Variants in CDH13 observed in about 807,000 individuals in gnomAD.
CDH13 encodes cadherin-13.
CDH13 carries 24 observed loss-of-function variants against 63.8 expected under a neutral mutation model. The ratio of observed to expected loss-of-function variants is 0.38; its 90% CI spans 0.27 to 0.53. The LOEUF is 0.53. Ranked by LOEUF, CDH13 falls within the 20% of genes least tolerant of loss-of-function variation. CDH13 has a pLI of 0.85. For synonymous variants in CDH13, 503 were observed against 355.3 expected (o/e 1.42, Z -4.67); for missense variants, 1,049 against 903.1 (o/e 1.16, Z -2.07).
chr16:82,638,452 C>T (rs1908956993), intron 1 of CDH13, among the ~76,000 whole-genome samples: 1 of 152,162 alleles, frequency 6.6e-6, no homozygotes, highest in African/African-American at 2.4e-5. Flanking sequence ...TATGCTTGCC[C>T]TGCAGGATTT....
chr16:82,746,573 G>C (rs987009937), intron 1 of CDH13, among the ~76,000 whole-genome samples: 24 of 151,530 alleles, frequency 1.6e-4, no homozygotes, highest in African/African-American at 5.1e-4. Context: ...ATAACTAATT[G>C]TACTAATTTA....
intron 1 of CDH13, chr16:82,823,101 C>G (rs113125304): frequency 0.011 from 1,652 of 152,354 alleles, 14 homozygotes; most frequent in Non-Finnish European, 0.018. Context: ...GCCTGAGGCT[C>G]CAAAGATGCC....
At chr16:82,863,492 A>T (rs932106787) in intron 2 of CDH13, among the ~76,000 whole-genome samples, 1 of 152,196 alleles carries the variant, frequency 6.6e-6, no homozygotes, top group African/African-American at 2.4e-5. Flanking sequence ...ACAGTCATCT[A>T]TTAGCTCTGT....
At chr16:82,989,599 T>G (rs1412400602) in intron 2 of CDH13, among the ~76,000 whole-genome samples, 1 of 152,196 alleles carries the variant, frequency 6.6e-6, no homozygotes, top group Non-Finnish European at 1.5e-5. Context: ...GATGAGGCTG[T>G]GTGGACCAGT....
At chr16:83,750,102 C>G (rs536903853) in intron 11 of CDH13, among the ~76,000 whole-genome samples, 1 of 152,166 alleles carries the variant, frequency 6.6e-6, no homozygotes, top group South Asian at 2.1e-4. Flanking sequence ...TTGAGACCAG[C>G]CTGGCCAATA....
At chr16:83,094,374 C>T (rs1048951550) in intron 3 of CDH13, among the ~76,000 whole-genome samples, 1 of 152,110 alleles carries the variant, frequency 6.6e-6, no homozygotes, top group African/African-American at 2.4e-5. Context: ...CTGAAAGATG[C>T]AAGGTTGGAT....
chr16:82,706,808 A>C (rs1266469793), intron 1 of CDH13, among the ~76,000 whole-genome samples: 1 of 151,936 alleles, frequency 6.6e-6, no homozygotes, highest in East Asian at 1.9e-4. Context: ...TGTCTCAAAA[A>C]AAAAATAAAA....
intron 7 of CDH13, among the ~76,000 whole-genome samples, chr16:83,552,807 C>A (rs984017460): frequency 6.6e-6 from 1 of 152,206 alleles, no homozygotes; most frequent in African/African-American, 2.4e-5. Context: ...ATTGGCTGGG[C>A]GCAGTGGCTC....
Position 83,800,315 on chromosome 16 carries a change from A to T in CDH13, c.*5285A>T, listed in dbSNP as rs757741697. 7 of 152,230 alleles carry T rather than the reference A, an allele frequency of 4.6e-5. No individual in the cohort carries two copies. Among genetic ancestry groups the T allele is most frequent in the Non-Finnish European group, 7.3e-5 (5 of 68,046 alleles). The allele number at this position is 152,230 out of a possible 1,614,324, so 9.4% of individuals were successfully genotyped here. A position where few individuals can be genotyped will look rare whatever the true frequency, so the allele number is the denominator to read the frequency against. ...AAGCCATTCTATATCTGTCGTACAC[A>T]TGAATTCAGACTATTATTAGAGAGT... On this transcript the variant is annotated 3_prime_UTR_variant, in exon 14 of 14. Coordinates refer to ENST00000567109, the MANE Select transcript of CDH13 (RefSeq NM_001257.5).
intron 7 of CDH13, among the ~76,000 whole-genome samples, chr16:83,581,950 C>G (rs920596018): frequency 2.0e-5 from 3 of 152,220 alleles, no homozygotes; most frequent in African/African-American, 7.2e-5. Flanking sequence ...ATCCAGAATG[C>G]AGGCTCTAGG....
At chr16:83,559,443 T>A (rs970914767) in intron 7 of CDH13, among the ~76,000 whole-genome samples, 10 of 151,980 alleles carry the variant, frequency 6.6e-5, no homozygotes, top group Non-Finnish European at 1.0e-4. Flanking sequence ...TGGTGGCGTG[T>A]ACCTATAATC....
intron 3 of CDH13, among the ~76,000 whole-genome samples, chr16:83,077,479 C>T (rs2032933823): frequency 6.6e-6 from 1 of 152,010 alleles, no homozygotes; most frequent in Non-Finnish European, 1.5e-5. Context: ...AGGTGTGAGC[C>T]ATCACACCTG....
intron 1 of CDH13, among the ~76,000 whole-genome samples, chr16:82,794,686 C>T (rs1425758098): frequency 1.3e-5 from 2 of 152,130 alleles, no homozygotes; most frequent in African/African-American, 2.4e-5. Flanking sequence ...ATGCCTTAGC[C>T]AAACACCCTA....
intron 4 of CDH13, among the ~76,000 whole-genome samples, chr16:83,210,280 G>A (rs757117178): frequency 6.6e-6 from 1 of 151,944 alleles, no homozygotes; most frequent in Non-Finnish European, 1.5e-5. Context: ...GGCCAAGCTG[G>A]TCTTGAACTC....
chr16:83,285,249 G>GT (rs963113276), intron 5 of CDH13, among the ~76,000 whole-genome samples: 5 of 152,154 alleles, frequency 3.3e-5, no homozygotes, highest in African/African-American at 7.2e-5. Flanking sequence ...TCATTATGTA[G>GT]TTTTTTCTGG....
chr16:83,488,190 G>C (rs1185948102), intron 7 of CDH13, among the ~76,000 whole-genome samples: 1 of 152,176 alleles, frequency 6.6e-6, no homozygotes, highest in Non-Finnish European at 1.5e-5. Context: ...GTGGTTGGTG[G>C]CTATTGTACC....
chr16:82,636,193 C>A (rs929633200), intron 1 of CDH13, among the ~76,000 whole-genome samples: 1 of 152,042 alleles, frequency 6.6e-6, no homozygotes, highest in Non-Finnish European at 1.5e-5. Flanking sequence ...GTGAAGGAGG[C>A]CTGCTTGAGT....
intron 2 of CDH13, among the ~76,000 whole-genome samples, chr16:83,001,269 C>A (rs868533879): frequency 6.6e-6 from 1 of 152,210 alleles, no homozygotes; most frequent in East Asian, 1.9e-4. Flanking sequence ...GTCGTTCTTG[C>A]AATTGAGAAT....
chr16:83,744,772 C>A (rs1466575797), intron 10 of CDH13, among the ~76,000 whole-genome samples: 1 of 152,224 alleles, frequency 6.6e-6, no homozygotes, highest in Non-Finnish European at 1.5e-5. Context: ...CAGAACACCA[C>A]TGGGACTGTC....
Sources: allele counts gnomAD v4.1 joint callset (sites outside exome capture counted in the v4.1 genomes callset), GRCh38; gene constraint gnomAD v4.1.1; transcripts MANE v1.5; gene names NCBI Gene and HGNC (gene_info 2026-07-23, HGNC 2026-07-21).